Variants in CRYZL1 observed in about 807,000 individuals in gnomAD.
CRYZL1 encodes crystallin zeta like 1, also known as ferry endosomal RAB5 effector complex subunit 4.
Under a neutral mutation model 50.6 loss-of-function variants are expected in CRYZL1, and 34 were observed. The ratio of observed to expected loss-of-function variants is 0.67; its 90% CI spans 0.51 to 0.89. The LOEUF (loss-of-function observed/expected upper bound fraction) is 0.89, where lower values mean the gene tolerates loss of function less well. CRYZL1 is among the 40% of genes least tolerant of loss of function. The pLI is 0.00. For synonymous variants in CRYZL1, 125 were observed against 134.3 expected, an observed-to-expected ratio of 0.93 and a Z score of 0.48; for missense variants, 354 against 402.3, an observed-to-expected ratio of 0.88 and a Z score of 1.03.
At chr21:33,598,688 C>T (rs999258769) in intron 9 of CRYZL1, among the ~76,000 whole-genome samples, 2 of 152,234 alleles carry the variant, frequency 1.3e-5, no homozygotes, top group African/African-American at 4.8e-5. Flanking sequence ...AGCGATATGT[C>T]ATTTGTTACT....
At chr21:33,591,300 G>A in intron 11 of CRYZL1, 93 bp from the exon 12 acceptor site, 2 of 1,028,486 alleles carry the variant, frequency 1.9e-6, no homozygotes, top group Non-Finnish European at 3.0e-6. Flanking sequence ...ACTTTCTCTT[G>A]TTTCAAGTTT....
chr21:33,596,194 A>G (rs911074354), intron 10 of CRYZL1: 1 of 496,004 alleles, frequency 2.0e-6, no homozygotes, highest in African/African-American at 2.0e-5. Context: ...ATATGTAACT[A>G]GAATGCTGAA....
intron 6 of CRYZL1, among the ~76,000 whole-genome samples, chr21:33,606,095 T>G (rs2086811993): frequency 6.6e-6 from 1 of 152,194 alleles, no homozygotes. Context: ...ATTCCTTAGG[T>G]AACTCTTTAA....
rs1569083557 is a variant in CRYZL1 at position 33,600,933 on chromosome 21, G to GGTT, written c.577+1300_577+1301insAAC. Among the ~76,000 whole-genome samples the GGTT allele has an allele frequency of 1.9e-3, 115 of 59,564 alleles. 7 individuals are homozygous for GGTT. The highest frequency in any genetic ancestry group is 7.2e-3 in the African/African-American group (114 of 15,854). 39.1% of individuals were successfully genotyped at this position (59,564 alleles called of 152,430 possible). A position where few individuals can be genotyped will look rare whatever the true frequency, so the allele number is the denominator to read the frequency against. On this transcript the variant is annotated intron_variant, in intron 8 of 12. Coordinates refer to ENST00000381554, the MANE Select transcript of CRYZL1 (RefSeq NM_145858.3). Reference sequence around the variant, plus strand: ...TGAGCCACTGTGCCCGGTCCATAAAGTTTTTTTTTTTTTTTTTTTTGGGGG... The same window carrying GGTT: ...TGAGCCACTGTGCCCGGTCCATAAAGGTTTTTTTTTTTTTTTTTTTTTTGGGGG...
At chr21:33,592,143 C>CTT (rs1186073775) in intron 11 of CRYZL1, among the ~76,000 whole-genome samples, 102 of 129,422 alleles carry the variant, frequency 7.9e-4, no homozygotes, top group African/African-American at 1.9e-3. Flanking sequence ...TTTTTCAGAG[C>CTT]TTTTTTTTTT....
At chr21:33,597,818 G>A (rs2086711424) in intron 9 of CRYZL1, among the ~76,000 whole-genome samples, 1 of 152,048 alleles carries the variant, frequency 6.6e-6, no homozygotes, top group South Asian at 2.1e-4. Context: ...GTTTCATTGT[G>A]TTAGCCAGGA....
intron 3 of CRYZL1, 64 bp downstream of exon 3, chr21:33,624,619 T>G: frequency 6.3e-7 from 1 of 1,580,324 alleles, no homozygotes; most frequent in Non-Finnish European, 8.5e-7. Context: ...TATCGTTATA[T>G]TTATACACTA....
At chr21:33,609,476 A>AT (rs562308997) in intron 6 of CRYZL1, among the ~76,000 whole-genome samples, 6 of 151,504 alleles carry the variant, frequency 4.0e-5, no homozygotes, top group East Asian at 3.9e-4. Context: ...TTATTTATTT[A>AT]TTTTTTTTAT....
At chr21:33,615,154 CTTTT>C (rs10550201) in intron 5 of CRYZL1, among the ~76,000 whole-genome samples, 44 of 123,606 alleles carry the variant, frequency 3.6e-4, no homozygotes, top group Middle Eastern at 4.0e-3. Flanking sequence ...TTCTTTCTCT[CTTTT>C]TTTTTTTTTT....
intron 2 of CRYZL1, among the ~76,000 whole-genome samples, chr21:33,627,672 A>G (rs4816463): frequency 0.79 from 119,987 of 150,976 alleles, 48,264 homozygotes; most frequent in African/African-American, 0.93. Context: ...AGGTAACTTC[A>G]GCACTCTCTG....
At chr21:33,609,164 T>G (rs954919286) in intron 6 of CRYZL1, among the ~76,000 whole-genome samples, 26 of 152,194 alleles carry the variant, frequency 1.7e-4, no homozygotes, top group African/African-American at 5.8e-4. Flanking sequence ...CTTTGACCCT[T>G]TTCTAATTGT....
intron 1 of CRYZL1, chr21:33,641,246 C>G: frequency 6.4e-7 from 1 of 1,550,628 alleles, no homozygotes; most frequent in Non-Finnish European, 8.7e-7. Flanking sequence ...AAGCCACATA[C>G]AGCGAATAAC....
At chr21:33,591,875 T>C (rs917217264) in intron 11 of CRYZL1, among the ~76,000 whole-genome samples, 1 of 151,818 alleles carries the variant, frequency 6.6e-6, no homozygotes, top group Non-Finnish European at 1.5e-5. Flanking sequence ...GGAGGATCCC[T>C]TGAGCACATG....
chr21:33,633,046 G>A (rs1293041635), intron 1 of CRYZL1, among the ~76,000 whole-genome samples: 2 of 152,072 alleles, frequency 1.3e-5, no homozygotes, highest in Non-Finnish European at 2.9e-5. Flanking sequence ...TCTCACTCAT[G>A]TTGTTACTTG....
At chr21:33,631,934 GATC>G (rs1174249524) in intron 1 of CRYZL1, among the ~76,000 whole-genome samples, 1 of 152,104 alleles carries the variant, frequency 6.6e-6, no homozygotes, top group Non-Finnish European at 1.5e-5. Flanking sequence ...AAGTCTTAAA[GATC>G]ATTAAAAAGG....
At chr21:33,624,810 A>G (rs760799412) in intron 2 of CRYZL1, 50 bp from the exon 3 acceptor site, 1 of 1,564,350 alleles carries the variant, frequency 6.4e-7, no homozygotes, top group South Asian at 1.2e-5. Context: ...CATTCCTATG[A>G]GAATATGTCT....
chr21:33,621,846 TA>T (rs1569090357), intron 4 of CRYZL1, 149 bp downstream of exon 4: 2 of 501,842 alleles, frequency 4.0e-6, no homozygotes, highest in Non-Finnish European at 3.5e-6. Flanking sequence ...TCTCAAAAAA[TA>T]AAAATAAAAA....
chr21:33,593,198 C>T (rs1193715104), intron 11 of CRYZL1, among the ~76,000 whole-genome samples: 1 of 152,098 alleles, frequency 6.6e-6, no homozygotes, highest in Non-Finnish European at 1.5e-5. Flanking sequence ...GCTCCGCCTC[C>T]TGGGTTCATG....
intron 8 of CRYZL1, among the ~76,000 whole-genome samples, chr21:33,601,082 G>A (rs1321011393): frequency 2.0e-5 from 3 of 151,152 alleles, no homozygotes; most frequent in East Asian, 1.9e-4. Context: ...GATTACAGGC[G>A]TCTGCCACCA....
Sources: gnomAD v4.1 joint callset for allele counts (sites outside exome capture counted in the v4.1 genomes callset) on GRCh38, gnomAD v4.1.1 for gene constraint, MANE v1.5 for transcripts, NCBI Gene and HGNC (gene_info 2026-07-23, HGNC 2026-07-21) for gene names.